Variants in ANKS1A observed in about 807,000 individuals in gnomAD.
ANKS1A encodes ankyrin repeat and SAM domain-containing protein 1A.
ANKS1A carries 55 observed loss-of-function variants against 120.3 expected under a neutral mutation model. The observed-to-expected ratio is 0.46, with a 90% CI of 0.37 to 0.57. The LOEUF (loss-of-function observed/expected upper bound fraction) is 0.57. ANKS1A is among the 20% of genes least tolerant of loss of function. ANKS1A has a pLI of 0.00. For missense variants in ANKS1A, 1,123 were observed against 1,480.3 expected, an observed-to-expected ratio of 0.76 and a Z score of 3.96; for synonymous variants, 590 against 604.7, an observed-to-expected ratio of 0.98 and a Z score of 0.36.
intron 1 of ANKS1A, among the ~76,000 whole-genome samples, chr6:34,926,654 A>G (rs748808039): frequency 6.6e-6 from 1 of 152,076 alleles, no homozygotes; most frequent in Non-Finnish European, 1.5e-5. Context: ...CATTAGGTAG[A>G]TGTTATTTAA....
chr6:34,986,833 A>G (rs1015722313), intron 8 of ANKS1A, among the ~76,000 whole-genome samples: 1 of 152,272 alleles, frequency 6.6e-6, no homozygotes, highest in Non-Finnish European at 1.5e-5. Flanking sequence ...GCACTTCTAT[A>G]GACAGCTAGT....
chr6:34,969,688 TA>T (rs1479427849), intron 2 of ANKS1A, among the ~76,000 whole-genome samples: 1 of 152,230 alleles, frequency 6.6e-6, no homozygotes, highest in Non-Finnish European at 1.5e-5. Context: ...GAATGCTGTT[TA>T]AACATGATAA....
In ANKS1A at chr6:35,089,219, TC is replaced by T; in HGVS notation, c.*611del. 1.0e-6 allele frequency: 1 copy of T among 992,974 alleles called. No homozygotes were observed. The highest frequency in any genetic ancestry group is 4.5e-5 in the South Asian group (1 of 22,106). The allele number at this position is 992,974 out of a possible 1,614,324, so 61.5% of individuals were successfully genotyped here. A position where few individuals can be genotyped will look rare whatever the true frequency, so the allele number is the denominator to read the frequency against. On this transcript the variant is annotated 3_prime_UTR_variant, in exon 24 of 24. Transcript: ENST00000360359. ...CTTTCAGGGGCTAGACACAGGCTTCTCGTAAGAACACAGCCTTAGAGGCACC... is the reference window on the plus strand; with the variant it reads ...CTTTCAGGGGCTAGACACAGGCTTCTGTAAGAACACAGCCTTAGAGGCACC...
chr6:35,006,773 C>T (rs992281608), intron 10 of ANKS1A, among the ~76,000 whole-genome samples: 10 of 152,010 alleles, frequency 6.6e-5, no homozygotes, highest in African/African-American at 2.4e-4. Context: ...AAACAAAAAA[C>T]AAAAACAAAA....
rs1211204689 is a variant in ANKS1A at position 34,983,238 on chromosome 6, G to C, written c.910+24G>C. The C allele has an allele frequency of 3.7e-6, 6 of 1,611,844 alleles. No homozygotes were observed. The African/African-American group carries it at 8.0e-5, about 22-fold the overall frequency. On this transcript the variant is annotated intron_variant, in intron 6 of 23. Transcript: ENST00000360359. Reference sequence around the variant, plus strand: ...AGGTATCATCCTTTCTCCCTGTCTGGGTGACCAGGGGACACACGAATTGAA... The same window carrying C: ...AGGTATCATCCTTTCTCCCTGTCTGCGTGACCAGGGGACACACGAATTGAA...
chr6:35,042,336 C>T (rs186920071), intron 11 of ANKS1A, among the ~76,000 whole-genome samples: 14 of 152,088 alleles, frequency 9.2e-5, no homozygotes, highest in Non-Finnish European at 1.9e-4. Flanking sequence ...ATGTCTCCCC[C>T]CTCTCATTTT....
downstream of ANKS1A, among the ~76,000 whole-genome samples, chr6:35,092,326 T>C (rs1459616607): frequency 6.6e-6 from 1 of 152,200 alleles, no homozygotes; most frequent in Non-Finnish European, 1.5e-5. Context: ...AATTCACTTA[T>C]CTAGTTCAGT....
chr6:34,991,614 G>GTA (rs1772530335), intron 9 of ANKS1A, among the ~76,000 whole-genome samples: 1 of 125,174 alleles, frequency 8.0e-6, no homozygotes. Context: ...ATATATATAC[G>GTA]TATATACACA....
At chr6:34,994,626 A>G (rs1177319925) in intron 10 of ANKS1A, among the ~76,000 whole-genome samples, 2 of 152,138 alleles carry the variant, frequency 1.3e-5, no homozygotes, top group African/African-American at 4.8e-5. Context: ...GTTGGCTGCC[A>G]CCTTCAGTAT....
chr6:35,041,404 A>G (rs1415551316), intron 11 of ANKS1A, among the ~76,000 whole-genome samples: 1 of 152,308 alleles, frequency 6.6e-6, no homozygotes, highest in African/African-American at 2.4e-5. Flanking sequence ...CCCACTGCAA[A>G]GGTCTCACAA....
At chr6:35,026,033 A>C (rs1468642403) in intron 11 of ANKS1A, among the ~76,000 whole-genome samples, 1 of 152,184 alleles carries the variant, frequency 6.6e-6, no homozygotes, top group Non-Finnish European at 1.5e-5. Flanking sequence ...TTACAAACTG[A>C]AAGCTTGGGT....
intron 1 of ANKS1A, among the ~76,000 whole-genome samples, chr6:34,961,697 G>A (rs1232315808): frequency 6.6e-6 from 1 of 152,166 alleles, no homozygotes; most frequent in Non-Finnish European, 1.5e-5. Context: ...GCTCCTTGGG[G>A]ACATGAACTG....
intron 1 of ANKS1A, among the ~76,000 whole-genome samples, chr6:34,901,049 G>A (rs546114838): frequency 1.3e-5 from 2 of 152,154 alleles, no homozygotes; most frequent in South Asian, 4.2e-4. Flanking sequence ...AAATTTAAGT[G>A]GTCCCTGTGC....
At chr6:35,000,043 C>A (rs190661065) in intron 10 of ANKS1A, among the ~76,000 whole-genome samples, 223 of 152,036 alleles carry the variant, frequency 1.5e-3, no homozygotes, top group African/African-American at 4.9e-3. Context: ...CCTTTAAAAG[C>A]CAAGGTAAAT....
At chr6:34,939,366 T>C (rs1769417475) in intron 1 of ANKS1A, among the ~76,000 whole-genome samples, 1 of 152,210 alleles carries the variant, frequency 6.6e-6, no homozygotes, top group Non-Finnish European at 1.5e-5. Flanking sequence ...TTTGATCCTG[T>C]GTATTTCATC....
chr6:35,018,730 T>C (rs1169028064), intron 11 of ANKS1A, among the ~76,000 whole-genome samples: 2 of 152,084 alleles, frequency 1.3e-5, no homozygotes, highest in Non-Finnish European at 2.9e-5. Context: ...TCTATTGTTG[T>C]ATCTTTATGT....
chr6:34,984,078 G>A (rs2127528927), intron 7 of ANKS1A, among the ~76,000 whole-genome samples: 1 of 152,302 alleles, frequency 6.6e-6, no homozygotes, highest in Admixed American at 6.5e-5. Flanking sequence ...ACAGGCGTGA[G>A]CCACCGTTCC....
At chr6:35,002,728 T>A (rs1773236508) in intron 10 of ANKS1A, among the ~76,000 whole-genome samples, 1 of 151,926 alleles carries the variant, frequency 6.6e-6, no homozygotes, top group Non-Finnish European at 1.5e-5. Flanking sequence ...CCCTAAAGAA[T>A]CACCCTGATC....
chr6:34,889,487 T>G lies in ANKS1A; in HGVS notation c.85T>G (p.Ser29Ala). The G allele has an allele frequency of 7.8e-7, 1 of 1,279,446 alleles. No individual in the cohort carries two copies. The highest frequency in any genetic ancestry group is 3.1e-5 in the East Asian group (1 of 32,414). The allele number at this position is 1,279,446 out of a possible 1,614,324, so 79.3% of individuals were successfully genotyped here. A position where few individuals can be genotyped will look rare whatever the true frequency, so the allele number is the denominator to read the frequency against. ...VEKLLSGKRL[S>A]SGFGGGGGGG... ...GAAGCTGCTGTCCGGGAAGCGGCTCTCCTCAGGCTTTGGGGGCGGCGGCGG... is the reference window on the plus strand; with the variant it reads ...GAAGCTGCTGTCCGGGAAGCGGCTCGCCTCAGGCTTTGGGGGCGGCGGCGG... Residue 29 changes from serine to alanine, a missense_variant, in exon 1 of 24, where the codon TCC becomes GCC. Around this residue, in one of 3 missense-constraint regions of ANKS1A, gnomAD observed 73 missense variants for 82.2 expected, o/e 0.89. Transcript: ENST00000360359. This position sits in a 1 kb window ranked among gnomAD's most constrained non-coding sequence, Gnocchi z 5.5.
Sources: gnomAD v4.1 joint callset for allele counts (sites outside exome capture counted in the v4.1 genomes callset) on GRCh38, gnomAD v4.1.1 for gene constraint, gnomAD v4.1.1 regional missense constraint, Gnocchi (gnomAD v3.1) non-coding constraint, MANE v1.5 for transcripts, NCBI Gene and HGNC (gene_info 2026-07-23, HGNC 2026-07-21) for gene names.